The following BCAS3 variants were observed in gnomAD, a reference collection of about 807,000 sequenced individuals.
BCAS3 encodes the protein BCAS4/BCAS3 fusion.
Under a neutral mutation model 116.1 loss-of-function variants are expected in BCAS3, and 53 were observed. That is an observed-to-expected ratio of 0.46 (90% CI 0.37 to 0.57). The LOEUF (loss-of-function observed/expected upper bound fraction) is 0.57, where lower values mean the gene tolerates loss of function less well. BCAS3 is among the 20% of genes least tolerant of loss of function. The pLI is 0.00. For missense variants in BCAS3, 917 were observed against 1,165.4 expected (o/e 0.79, Z 3.10); for synonymous variants, 391 against 408.2 (o/e 0.96, Z 0.51).
At chr17:61,319,485 T>G (rs911799139) in intron 22 of BCAS3, among the ~76,000 whole-genome samples, 1 of 152,226 alleles carries the variant, frequency 6.6e-6, no homozygotes, top group Non-Finnish European at 1.5e-5. Context: ...ATTGTCTCTG[T>G]CACTGAAGAT....
At chr17:61,035,103 C>T (rs1012858265) in intron 17 of BCAS3, among the ~76,000 whole-genome samples, 6 of 152,052 alleles carry the variant, frequency 3.9e-5, no homozygotes, top group Admixed American at 3.3e-4. Context: ...TAGTTTCACC[C>T]CTGGTCTGTG....
At chr17:61,240,496 C>CA (rs1020570649) in intron 22 of BCAS3, among the ~76,000 whole-genome samples, 61 of 150,556 alleles carry the variant, frequency 4.1e-4, no homozygotes, top group East Asian at 9.7e-4. Context: ...ACTAAAAATA[C>CA]AAAAAAAAAT....
intron 22 of BCAS3, among the ~76,000 whole-genome samples, chr17:61,290,842 G>A (rs954746936): frequency 1.3e-5 from 2 of 152,062 alleles, no homozygotes; most frequent in Non-Finnish European, 2.9e-5. Context: ...GTGCAGTGGC[G>A]TGATCTCGGC....
rs538474562 is a variant in BCAS3, at chr17:61,186,961, C to T, written c.2425+102397C>T. ...TCCTGACCTCGTGATCCACCCACCTCGGCCTCCCAAAGTGCTGGGATTACA... is the reference window on the plus strand; with the variant it reads ...TCCTGACCTCGTGATCCACCCACCTTGGCCTCCCAAAGTGCTGGGATTACA... On this transcript the variant is annotated intron_variant, in intron 22 of 23. Coordinates refer to ENST00000407086, the MANE Select transcript of BCAS3 (RefSeq NM_017679.5). The surrounding 1 kb of genome is among the most constrained non-coding windows in gnomAD (Gnocchi z 4.9). 2.6e-5 allele frequency among the ~76,000 whole-genome samples: 4 copies of T among 152,160 alleles called. No individual in the cohort carries two copies. The South Asian group carries it at 6.2e-4, about 24-fold the overall frequency.
At chr17:60,851,741 A>G (rs1216524479) in intron 7 of BCAS3, 6 of 912,190 alleles carry the variant, frequency 6.6e-6, no homozygotes, top group Non-Finnish European at 1.1e-5. Context: ...GCCAAGTCTG[A>G]TTAATACCAT....
chr17:60,876,131 A>G (rs1049157801), intron 9 of BCAS3, among the ~76,000 whole-genome samples: 10 of 152,072 alleles, frequency 6.6e-5, no homozygotes, highest in African/African-American at 1.9e-4. Context: ...GTAAACTTGT[A>G]AAGTCCTGAG....
rs1422591515 is a variant in BCAS3, at chr17:61,181,195, G to A, written c.2425+96631G>A. On this transcript the variant is annotated intron_variant, in intron 22 of 23. Coordinates refer to ENST00000407086, the MANE Select transcript of BCAS3 (RefSeq NM_017679.5). This position sits in a 1 kb window ranked among gnomAD's most constrained non-coding sequence, Gnocchi z 5.0. ...TAATAGCACCACTGCACTCCATCCT[G>A]GGCAAAAGAGCAAACAAACAGTTTA... Among the ~76,000 whole-genome samples, 2 of 152,166 alleles carry A rather than the reference G, an allele frequency of 1.3e-5. No individual in the cohort carries two copies. Among genetic ancestry groups the A allele is most frequent in the Non-Finnish European group, 2.9e-5 (2 of 68,030 alleles).
chr17:60,889,974 C>T (rs1158681114), intron 10 of BCAS3, among the ~76,000 whole-genome samples: 2 of 152,186 alleles, frequency 1.3e-5, no homozygotes, highest in African/African-American at 4.8e-5. Flanking sequence ...GTCATTAAGT[C>T]CAGACTCTGT....
chr17:60,869,844 T>C (rs77077373), intron 8 of BCAS3, among the ~76,000 whole-genome samples: 3,863 of 152,284 alleles, frequency 0.025, 60 homozygotes, highest in Non-Finnish European at 0.036. Context: ...AAAAATAATG[T>C]GAACACATAC....
In BCAS3 at chr17:60,762,679, C is replaced by T. The variant is rs540275812; in HGVS notation, c.403+15400C>T. ...TTTGCTTAGGATTGTCTTGGCAATG[C>T]GGGCTCTTTTTTGATTCCATATGAA... On this transcript the variant is annotated intron_variant, in intron 6 of 23. Coordinates refer to ENST00000407086, the MANE Select transcript of BCAS3 (RefSeq NM_017679.5). 3.2e-3 allele frequency among the ~76,000 whole-genome samples: 490 copies of T among 152,220 alleles called. 3 individuals are homozygous for T. The highest frequency in any genetic ancestry group is 0.011 in the African/African-American group (473 of 41,554).
intron 22 of BCAS3, among the ~76,000 whole-genome samples, chr17:61,311,769 C>T (rs1298879140): frequency 6.6e-6 from 1 of 152,106 alleles, no homozygotes; most frequent in Non-Finnish European, 1.5e-5. Flanking sequence ...TGGCGGGCGC[C>T]TGTAGTCCCA....
intron 13 of BCAS3, among the ~76,000 whole-genome samples, chr17:60,937,220 C>G (rs1312649122): frequency 6.6e-6 from 1 of 151,822 alleles, no homozygotes; most frequent in African/African-American, 2.4e-5. Flanking sequence ...TTTTACCCCT[C>G]ACCATATATC....
Position 61,151,890 on chromosome 17 carries a change from A to C in BCAS3, c.2425+67326A>C, listed in dbSNP as rs2077560859. Among the ~76,000 whole-genome samples the C allele has an allele frequency of 6.6e-6, 1 of 152,152 alleles. No individual in the cohort carries two copies. The highest frequency in any genetic ancestry group is 1.5e-5 in the Non-Finnish European group (1 of 68,028). On this transcript the variant is annotated intron_variant, in intron 22 of 23. Transcript: ENST00000407086. The surrounding 1 kb of genome is among the most constrained non-coding windows in gnomAD (Gnocchi z 4.8). ...GCAAACGTGAATGTTCCTAAAATGCACCAGACTTACTATAAGAAGTATGGC... is the reference window on the plus strand; with the variant it reads ...GCAAACGTGAATGTTCCTAAAATGCCCCAGACTTACTATAAGAAGTATGGC...
At chr17:60,791,828 T>C (rs2046788963) in intron 6 of BCAS3, among the ~76,000 whole-genome samples, 1 of 152,068 alleles carries the variant, frequency 6.6e-6, no homozygotes, top group Non-Finnish European at 1.5e-5. Flanking sequence ...TTTGTCATGT[T>C]GAAATATGAT....
chr17:60,682,852 T>C (rs1239062689), intron 2 of BCAS3, among the ~76,000 whole-genome samples: 1 of 152,248 alleles, frequency 6.6e-6, no homozygotes, highest in Non-Finnish European at 1.5e-5. Context: ...GTTGTTTTTT[T>C]CCACTTGCTG....
At chr17:61,173,482 A>G (rs1359430330) in intron 22 of BCAS3, among the ~76,000 whole-genome samples, 1 of 152,110 alleles carries the variant, frequency 6.6e-6, no homozygotes, top group East Asian at 1.9e-4. Flanking sequence ...ACTAAATGAA[A>G]ATTAAAACAT....
intron 14 of BCAS3, among the ~76,000 whole-genome samples, chr17:60,968,439 C>T (rs932667241): frequency 1.3e-5 from 2 of 152,044 alleles, no homozygotes; most frequent in African/African-American, 4.8e-5. Context: ...ATTGTGTTGC[C>T]CTGCCTGTCA....
chr17:60,689,804 G>T (rs762041579), intron 4 of BCAS3, 43 bp downstream of exon 4: 3 of 1,343,868 alleles, frequency 2.2e-6, no homozygotes, highest in Non-Finnish European at 3.2e-6. Context: ...TTAATTGTTT[G>T]TTTGGAGTAC....
chr17:61,000,095 T>G (rs574369356), intron 15 of BCAS3, among the ~76,000 whole-genome samples: 40 of 152,334 alleles, frequency 2.6e-4, no homozygotes, highest in African/African-American at 9.1e-4. Context: ...TTTGACTTTC[T>G]CTTTTCCCAT....
Sources: gnomAD v4.1 joint callset for allele counts (sites outside exome capture counted in the v4.1 genomes callset) on GRCh38, gnomAD v4.1.1 for gene constraint, Gnocchi (gnomAD v3.1) non-coding constraint, MANE v1.5 for transcripts, NCBI Gene and HGNC (gene_info 2026-07-23, HGNC 2026-07-21) for gene names.